The following STXBP4 variants were observed in gnomAD, a reference collection of about 807,000 sequenced individuals.
The protein encoded by STXBP4 is syntaxin binding protein 4.
Under a neutral mutation model 76.1 loss-of-function variants are expected in STXBP4, and 55 were observed. The ratio of observed to expected loss-of-function variants is 0.72; its 90% CI spans 0.58 to 0.91. STXBP4 has a LOEUF of 0.91. Among genes scored for constraint, STXBP4 ranks in the 40% least tolerant of loss-of-function variants. The probability of loss-of-function intolerance (pLI) is 0.00; values close to 1 mark genes in which losing one functional copy is unlikely to be tolerated. For synonymous variants in STXBP4, 201 were observed against 220.2 expected, an observed-to-expected ratio of 0.91 and a Z score of 0.77; for missense variants, 618 against 636.9, an observed-to-expected ratio of 0.97 and a Z score of 0.32.
At chr17:55,090,975 C>G (rs1409965690) in intron 16 of STXBP4, among the ~76,000 whole-genome samples, 1 of 151,858 alleles carries the variant, frequency 6.6e-6, no homozygotes, top group Non-Finnish European at 1.5e-5. Context: ...TTTTAAGCTT[C>G]AGAGATTTCA....
At chr17:55,136,455 A>G (rs569140165) in intron 16 of STXBP4, among the ~76,000 whole-genome samples, 1 of 152,206 alleles carries the variant, frequency 6.6e-6, no homozygotes, top group South Asian at 2.1e-4. Context: ...AAATGGTAAT[A>G]AATATTTTAA....
At chr17:55,141,185 C>T (rs1436879309) in intron 16 of STXBP4, 125 bp from the exon 17 acceptor site, 1 of 775,478 alleles carries the variant, frequency 1.3e-6, no homozygotes, top group African/African-American at 1.8e-5. Context: ...TTCCCCCTTT[C>T]TAGAAAATTA....
Position 54,999,450 on chromosome 17 carries a change from A to C in STXBP4, c.286A>C (p.Arg96=). 6.2e-7 allele frequency: 1 copy of C among 1,607,190 alleles called. No homozygotes were observed. Among genetic ancestry groups the C allele is most frequent in the Non-Finnish European group, 8.5e-7 (1 of 1,175,576 alleles). The change falls in exon 5 of 18, where the codon AGG becomes CGG. Residue 96 remains arginine (R), a splice_region_variant and synonymous_variant. Coordinates refer to ENST00000376352, the MANE Select transcript of STXBP4 (RefSeq NM_178509.6). ...AKSIITGAKL[R]LESAWEIAFI... Reference sequence around the variant, plus strand: ...AAGCATAATTACCGGAGCCAAGTTGAGGTAACTATACTATCCATGAGATAG... The same window carrying C: ...AAGCATAATTACCGGAGCCAAGTTGCGGTAACTATACTATCCATGAGATAG...
chr17:54,977,366 G>A (rs542479837), intron 1 of STXBP4, among the ~76,000 whole-genome samples: 4 of 152,130 alleles, frequency 2.6e-5, no homozygotes, highest in Admixed American at 6.5e-5. Flanking sequence ...TACTGAACAT[G>A]TACACACTTT....
chr17:55,085,996 G>C (rs2079321879), intron 16 of STXBP4, among the ~76,000 whole-genome samples: 1 of 152,028 alleles, frequency 6.6e-6, no homozygotes, highest in Non-Finnish European at 1.5e-5. Flanking sequence ...TTTTATGTTG[G>C]GGTGGCAACA....
intron 16 of STXBP4, among the ~76,000 whole-genome samples, chr17:55,114,910 C>T (rs1007478251): frequency 9.9e-5 from 15 of 151,896 alleles, no homozygotes; most frequent in African/African-American, 3.4e-4. Flanking sequence ...TGCAATTACT[C>T]TCCTGAATTG....
chr17:55,094,857 A>G (rs764479443), intron 16 of STXBP4, among the ~76,000 whole-genome samples: 3 of 152,346 alleles, frequency 2.0e-5, no homozygotes, highest in South Asian at 4.1e-4. Flanking sequence ...TCAGGAAGCC[A>G]TGATGTTCCT....
intron 16 of STXBP4, among the ~76,000 whole-genome samples, chr17:55,089,656 T>C (rs891248461): frequency 1.2e-4 from 18 of 152,230 alleles, no homozygotes; most frequent in Non-Finnish European, 2.4e-4. Flanking sequence ...TGAAATAAAA[T>C]AGTTTTGAAC....
chr17:55,167,857 C>T lies in STXBP4; in HGVS notation c.*7946C>T, dbSNP rs539398259. On this transcript the variant is annotated 3_prime_UTR_variant, in exon 18 of 18. Transcript: ENST00000376352. Reference sequence around the variant, plus strand: ...GAAATTCATCTTTCATCAGCACACACGAGAAGAGACAACAGGAAGACAAAA... The same window carrying T: ...GAAATTCATCTTTCATCAGCACACATGAGAAGAGACAACAGGAAGACAAAA... 2 of 151,836 alleles carry T rather than the reference C, an allele frequency of 1.3e-5. No homozygotes were observed. Among genetic ancestry groups the T allele is most frequent in the African/African-American group, 2.4e-5 (1 of 41,378 alleles). 9.4% of individuals were successfully genotyped at this position (151,836 alleles called of 1,614,324 possible).
intron 16 of STXBP4, among the ~76,000 whole-genome samples, chr17:55,136,395 A>G (rs550453469): frequency 6.6e-6 from 1 of 152,286 alleles, no homozygotes; most frequent in East Asian, 1.9e-4. Context: ...ATTGTCAAAC[A>G]TAATCATTAT....
At chr17:55,135,131 G>T (rs2080014360) in intron 16 of STXBP4, among the ~76,000 whole-genome samples, 1 of 152,106 alleles carries the variant, frequency 6.6e-6, no homozygotes, top group African/African-American at 2.4e-5. Context: ...GGTAACTGGT[G>T]TAGTATATGT....
intron 1 of STXBP4, among the ~76,000 whole-genome samples, chr17:54,975,756 A>G (rs1448275411): frequency 6.6e-6 from 1 of 152,072 alleles, no homozygotes; most frequent in Non-Finnish European, 1.5e-5. Context: ...CTTATCTCCT[A>G]CCACTCTCTC....
At chr17:55,186,358 C>T in the STXBP4 span, among the ~76,000 whole-genome samples, 21 of 152,044 alleles carry the variant, frequency 1.4e-4, no homozygotes, top group African/African-American at 2.7e-4. Context: ...TTAACAAATA[C>T]GGAAAAAGCG....
chr17:55,165,517 A>G lies in STXBP4; in HGVS notation c.*5606A>G, dbSNP rs244296. 99,517 of 152,110 alleles carry G rather than the reference A, an allele frequency of 0.65. 33,753 individuals are homozygous for G. Among genetic ancestry groups the G allele is most frequent in the African/African-American group, 0.84 (34,755 of 41,524 alleles). The allele number at this position is 152,110 out of a possible 1,614,324, so 9.4% of individuals were successfully genotyped here. ...ACCCAAAAGGATCACAGGAGTAGCA[A>G]TAACACCTGCTGGACCTGAATGAGG... On this transcript the variant is annotated 3_prime_UTR_variant, in exon 18 of 18. Transcript: ENST00000376352.
intron 12 of STXBP4, among the ~76,000 whole-genome samples, chr17:55,058,595 T>G (rs767758290): frequency 1.3e-5 from 2 of 152,176 alleles, no homozygotes; most frequent in Non-Finnish European, 2.9e-5. Context: ...AGTACATGCC[T>G]GAAGGATGAA....
At chr17:55,126,704 ATTC>A in intron 16 of STXBP4, among the ~76,000 whole-genome samples, 1 of 152,202 alleles carries the variant, frequency 6.6e-6, no homozygotes, top group Non-Finnish European at 1.5e-5. Context: ...AGACAAGGAG[ATTC>A]TGGTGCGTGA....
At chr17:54,993,617 A>G (rs1450153678) in intron 4 of STXBP4, among the ~76,000 whole-genome samples, 1 of 152,228 alleles carries the variant, frequency 6.6e-6, no homozygotes, top group Non-Finnish European at 1.5e-5. Flanking sequence ...GTATTAATAC[A>G]TTTACTATAT....
the STXBP4 span, among the ~76,000 whole-genome samples, chr17:55,209,037 A>G: frequency 1.3e-5 from 2 of 152,158 alleles, no homozygotes; most frequent in Non-Finnish European, 2.9e-5. Flanking sequence ...AGCCAAGATC[A>G]TGCCACTGCT....
At chr17:55,052,885 TAA>T (rs57404823) in intron 12 of STXBP4, among the ~76,000 whole-genome samples, 56 of 103,998 alleles carry the variant, frequency 5.4e-4, no homozygotes, top group East Asian at 4.6e-3. Flanking sequence ...AAGTTTTGTT[TAA>T]AAAAAAAAAA....
Sources: allele counts gnomAD v4.1 joint callset (sites outside exome capture counted in the v4.1 genomes callset), GRCh38; gene constraint gnomAD v4.1.1; transcripts MANE v1.5; gene names NCBI Gene and HGNC (gene_info 2026-07-23, HGNC 2026-07-21).